Variants in MAP1B observed in about 807,000 individuals in gnomAD.
The protein encoded by MAP1B is microtubule associated protein 1B, also known as microtubule-associated protein 1B.
A neutral mutation model predicts 176.1 loss-of-function variants in MAP1B; 12 were observed. The observed-to-expected ratio is 0.07, with a 90% CI of 0.04 to 0.11. MAP1B has a LOEUF of 0.11. Among genes scored for constraint, MAP1B ranks in the 10% least tolerant of loss-of-function variants. MAP1B has a pLI of 1.00. For missense variants in MAP1B, 2,523 were observed against 2,990.5 expected, an observed-to-expected ratio of 0.84 and a Z score of 3.65; for synonymous variants, 1,044 against 1,135.0, an observed-to-expected ratio of 0.92 and a Z score of 1.61.
chr5:72,204,143 A>G lies in MAP1B; in HGVS notation c.7251+342A>G, dbSNP rs959095317. The stretch of plus-strand genomic sequence containing the variant: ...TGTGAATCAAAGCGGTCATATTTCC[A>G]TATGAGAGCTCCTGAGGAATTGCCT... On this transcript the variant is annotated intron_variant, in intron 6 of 6. Coordinates refer to ENST00000296755, the MANE Select transcript of MAP1B (RefSeq NM_005909.5). The surrounding 1 kb of genome is among the most constrained non-coding windows in gnomAD (Gnocchi z 4.4). 6.6e-6 allele frequency among the ~76,000 whole-genome samples: 1 copy of G among 152,214 alleles called. No individual in the cohort carries two copies. The highest frequency in any genetic ancestry group is 2.4e-5 in the African/African-American group (1 of 41,454).
chr5:72,126,820 T>A (rs1745641133), intron 2 of MAP1B, among the ~76,000 whole-genome samples: 3 of 152,236 alleles, frequency 2.0e-5, no homozygotes, highest in Non-Finnish European at 4.4e-5. Flanking sequence ...GATTTCCCAG[T>A]TTGGGAATTC....
intron 4 of MAP1B, among the ~76,000 whole-genome samples, chr5:72,191,527 G>A (rs1250844471): frequency 6.6e-6 from 1 of 152,184 alleles, no homozygotes; most frequent in East Asian, 1.9e-4. Flanking sequence ...GGAAAACACG[G>A]GCTTCATTCT....
At chr5:72,157,081 C>T (rs185116538) in intron 2 of MAP1B, among the ~76,000 whole-genome samples, 2 of 152,212 alleles carry the variant, frequency 1.3e-5, no homozygotes, top group African/African-American at 4.8e-5. Flanking sequence ...TGGCCAGTGA[C>T]CAGCACTTAG....
In MAP1B at chr5:72,196,747, C is replaced by A. The variant is rs1181475444; in HGVS notation, c.3392C>A (p.Thr1131Asn). Residue 1131 changes from threonine to asparagine, a missense_variant, in exon 5 of 7, where the codon ACC (threonine) becomes AAC (asparagine). Thr to Asn is a moderately conservative substitution (Grantham distance 65). This residue lies in a region of MAP1B where 1,925 missense variants were observed against 2,126.0 expected (regional missense o/e 0.91). Coordinates refer to ENST00000296755, the MANE Select transcript of MAP1B (RefSeq NM_005909.5). This position sits in a 1 kb window ranked among gnomAD's most constrained non-coding sequence, Gnocchi z 5.3. ...ACTATTGAGATATCCAGTGAGCCCA[C>A]CCCCATGGATGAGATGTCTACCCCT... ...QSTIEISSEPTPMDEMSTPRD... is the reference protein window; with the variant it reads ...QSTIEISSEPNPMDEMSTPRD... 4 of 1,613,982 alleles carry A rather than the reference C, an allele frequency of 2.5e-6. No individual in the cohort carries two copies. Among genetic ancestry groups the A allele is most frequent in the South Asian group, 1.1e-5 (1 of 91,080 alleles).
rs943542153 is a variant in MAP1B, at chr5:72,193,924, G to A, written c.569G>A (p.Cys190Tyr). 6.2e-7 allele frequency: 1 copy of A among 1,613,968 alleles called. No homozygotes were observed. ...AACAAAGCCAGCTTAACCCTGTTCT[G>A]TCCTGAAGAAGGGGACTGGAAGAAC... ...PANKASLTLF[C>Y]PEEGDWKNSN... is the part of the protein sequence containing the mutation. The change falls in exon 5 of 7, where the codon TGT becomes TAT. Residue 190 changes from cysteine (C) to tyrosine (Y), a missense_variant. By Grantham distance (194) the Cys-to-Tyr change is radical. Coordinates refer to ENST00000296755, the MANE Select transcript of MAP1B (RefSeq NM_005909.5).
chr5:72,152,166 C>G (rs1041474962), intron 2 of MAP1B, among the ~76,000 whole-genome samples: 1 of 152,144 alleles, frequency 6.6e-6, no homozygotes, highest in African/African-American at 2.4e-5. Flanking sequence ...CACACCAGAA[C>G]AGCATTCTAG....
At position 72,194,047 on chromosome 5, in the gene MAP1B, A is replaced by C. The variant is rs1263161069; in HGVS notation, c.692A>C (p.Glu231Ala). ...ATGGAAGGACTTTCTGAGTTTACCG[A>C]GTATCTCTCAGAATCAGTGGAAGTC... The part of the protein sequence containing the change: ...PEMEGLSEFT[E>A]YLSESVEVPS... The change falls in exon 5 of 7, where the codon GAG (glutamate) becomes GCG (alanine). Residue 231 changes from glutamate (E) to alanine (A), a missense_variant. Glu to Ala is a moderately radical substitution (Grantham distance 107, BLOSUM62 -1). Coordinates refer to ENST00000296755, the MANE Select transcript of MAP1B (RefSeq NM_005909.5). The surrounding 1 kb of genome is among the most constrained non-coding windows in gnomAD (Gnocchi z 7.2). 1 of 1,614,172 alleles carries C rather than the reference A, an allele frequency of 6.2e-7. No individual in the cohort carries two copies. Among genetic ancestry groups the C allele is most frequent in the Admixed American group, 1.7e-5 (1 of 60,026 alleles).
intron 2 of MAP1B, among the ~76,000 whole-genome samples, chr5:72,151,551 G>A (rs1746141322): frequency 6.6e-6 from 1 of 152,226 alleles, no homozygotes; most frequent in South Asian, 2.1e-4. Context: ...CATGGTCAAA[G>A]ATGAACAAGG....
chr5:72,151,270 T>A (rs780231078), intron 2 of MAP1B, among the ~76,000 whole-genome samples: 5 of 152,112 alleles, frequency 3.3e-5, no homozygotes, highest in Non-Finnish European at 7.3e-5. Flanking sequence ...ACAAACTCAC[T>A]TCATGAGAAC....
chr5:72,130,510 T>G (rs1410250643), intron 2 of MAP1B, among the ~76,000 whole-genome samples: 2 of 152,236 alleles, frequency 1.3e-5, no homozygotes, highest in African/African-American at 4.8e-5. Flanking sequence ...ATAAGAAATC[T>G]CACATCTTTT....
intron 2 of MAP1B, among the ~76,000 whole-genome samples, chr5:72,149,516 A>C (rs565036355): frequency 6.6e-6 from 1 of 152,358 alleles, no homozygotes; most frequent in African/African-American, 2.4e-5. Flanking sequence ...CTTTATTGAA[A>C]AGATCACTAG....
At position 72,186,614 on chromosome 5, in the gene MAP1B, G is replaced by C; in HGVS notation, c.370G>C (p.Val124Leu). ...NPSDEAVSTE[V>L]RLMITDAARH... Reference sequence around the variant, plus strand: ...GCCTACGTTCTGTGCTTTATTTCAGGTGCGCTTAATGATCACTGATGCTGC... The same window carrying C: ...GCCTACGTTCTGTGCTTTATTTCAGCTGCGCTTAATGATCACTGATGCTGC... The change falls in exon 4 of 7, where the codon GTG becomes CTG. Residue 124 changes from valine to leucine, a missense_variant and splice_region_variant. By Grantham distance (32) the Val-to-Leu change is conservative (BLOSUM62 1). Transcript: ENST00000296755. This position sits in a 1 kb window ranked among gnomAD's most constrained non-coding sequence, Gnocchi z 4.3. 6.2e-7 allele frequency: 1 copy of C among 1,613,932 alleles called. No individual in the cohort carries two copies. The highest frequency in any genetic ancestry group is 8.5e-7 in the Non-Finnish European group (1 of 1,180,046).
intron 2 of MAP1B, among the ~76,000 whole-genome samples, chr5:72,163,227 CAAAAAA>C: frequency 1.3e-5 from 1 of 78,146 alleles, no homozygotes; most frequent in African/African-American, 4.9e-5. Context: ...GACTCCATCT[CAAAAAA>C]AAAAAAAAAA....
At chr5:72,132,964 G>T (rs74691362) in intron 2 of MAP1B, among the ~76,000 whole-genome samples, 2,943 of 152,094 alleles carry the variant, frequency 0.019, 92 homozygotes, top group African/African-American at 0.068. Flanking sequence ...AGGGTTGTAG[G>T]GACTCCTTAG....
chr5:72,152,541 G>A (rs572107648), intron 2 of MAP1B, among the ~76,000 whole-genome samples: 5 of 152,252 alleles, frequency 3.3e-5, no homozygotes, highest in African/African-American at 1.2e-4. Flanking sequence ...CCACCTCCTG[G>A]GTTCAAGCAA....
At chr5:72,118,727 C>T (rs1745474367) in intron 2 of MAP1B, among the ~76,000 whole-genome samples, 1 of 152,144 alleles carries the variant, frequency 6.6e-6, no homozygotes, top group Non-Finnish European at 1.5e-5. Flanking sequence ...GGATTATAGG[C>T]ATGAGCCACC....
At chr5:72,107,778 G>T (rs1745129267) in intron 1 of MAP1B, 63 bp downstream of exon 1, 3 of 1,559,244 alleles carry the variant, frequency 1.9e-6, no homozygotes, top group Non-Finnish European at 2.6e-6. Context: ...CCCCACCCAG[G>T]GCGCGACGGT....
intron 2 of MAP1B, among the ~76,000 whole-genome samples, chr5:72,121,291 T>C (rs114991613): frequency 7.1e-4 from 108 of 152,382 alleles, no homozygotes; most frequent in African/African-American, 2.5e-3. Flanking sequence ...CAGGTGACTA[T>C]AGACGTTGCC....
intron 2 of MAP1B, among the ~76,000 whole-genome samples, chr5:72,177,186 G>T (rs143178563): frequency 8.5e-4 from 130 of 152,256 alleles, no homozygotes; most frequent in Middle Eastern, 3.4e-3. Flanking sequence ...TGCTCCAGGG[G>T]AGCCGAGGAA....
Sources: gnomAD v4.1 joint callset for allele counts (sites outside exome capture counted in the v4.1 genomes callset) on GRCh38, gnomAD v4.1.1 for gene constraint, gnomAD v4.1.1 regional missense constraint, Gnocchi (gnomAD v3.1) non-coding constraint, MANE v1.5 for transcripts, NCBI Gene and HGNC (gene_info 2026-07-23, HGNC 2026-07-21) for gene names.